AAR2: variants seen among roughly 807,000 people sequenced by gnomAD.
AAR2 encodes the protein protein AAR2 homolog.
In AAR2, 31 loss-of-function variants were observed where a neutral mutation model predicts 26.9. The observed-to-expected ratio is 1.15, with a 90% CI of 0.86 to 1.55. AAR2 has a LOEUF of 1.55. Among genes scored for constraint, AAR2 ranks in the 40% most tolerant of loss-of-function variants. The pLI is 0.00. For synonymous variants in AAR2, 188 were observed against 196.1 expected (o/e 0.96, Z 0.34); for missense variants, 430 against 491.3 (o/e 0.88, Z 1.18).
In AAR2 at chr20:36,256,274, G is replaced by C. The variant is rs1284506020; in HGVS notation, c.*529G>C. On this transcript the variant is annotated 3_prime_UTR_variant, in exon 4 of 4. Coordinates refer to ENST00000320849, the MANE Select transcript of AAR2 (RefSeq NM_001271874.2). ...GAGGACTTGGCCTGCAGCTCCTTGG[G>C]AGCCCTTGATTGGGAAGAGAGTTTC... The C allele has an allele frequency of 1.3e-5, 2 of 152,564 alleles. No individual in the cohort carries two copies. The highest frequency in any genetic ancestry group is 1.3e-4 in the Admixed American group (2 of 15,324). 9.5% of individuals were successfully genotyped at this position (152,564 alleles called of 1,614,324 possible). A position where few individuals can be genotyped will look rare whatever the true frequency, so the allele number is the denominator to read the frequency against.
intron 1 of AAR2, among the ~76,000 whole-genome samples, chr20:36,239,059 A>C (rs1244473445): frequency 2.0e-5 from 3 of 152,132 alleles, no homozygotes; most frequent in African/African-American, 7.2e-5. Flanking sequence ...AAGTAGGTAA[A>C]ATAAGTGTAC....
chr20:36,253,397 C>A (rs950220026), intron 3 of AAR2, among the ~76,000 whole-genome samples: 1 of 152,180 alleles, frequency 6.6e-6, no homozygotes, highest in Non-Finnish European at 1.5e-5. Context: ...CTGGGAAAAA[C>A]CACTTCTTCC....
Position 36,239,905 on chromosome 20 carries a change from C to T in AAR2, c.37C>T (p.Arg13Cys), listed in dbSNP as rs766202428. 1.4e-5 allele frequency: 23 copies of T among 1,606,148 alleles called. No individual in the cohort carries two copies. The Middle Eastern group carries it at 6.6e-4, about 46-fold the overall frequency. The stretch of plus-strand genomic sequence containing the variant: ...GCAGATGGATCCTGAGCTAGCCAAG[C>T]GCCTCTTCTTTGAAGGGGCCACTGT... ...AVQMDPELAK[R>C]LFFEGATVVI... Residue 13 changes from arginine (R) to cysteine (C), a missense_variant, in exon 2 of 4, where the codon CGC becomes TGC. Arg to Cys is a radical substitution (Grantham distance 180). Coordinates refer to ENST00000320849, the MANE Select transcript of AAR2 (RefSeq NM_001271874.2).
chr20:36,243,428 G>T (rs2064703223), intron 2 of AAR2, among the ~76,000 whole-genome samples: 1 of 152,216 alleles, frequency 6.6e-6, no homozygotes, highest in East Asian at 1.9e-4. Context: ...TAGGAACAGG[G>T]AGCTAGTTTT....
chr20:36,255,064 T>C (rs1569431471), intron 3 of AAR2, among the ~76,000 whole-genome samples: 1 of 152,164 alleles, frequency 6.6e-6, no homozygotes, highest in East Asian at 1.9e-4. Flanking sequence ...TAAGTCAGGG[T>C]CCATCTGTAT....
intron 1 of AAR2, among the ~76,000 whole-genome samples, chr20:36,238,754 T>C (rs1453239018): frequency 7.6e-6 from 1 of 132,308 alleles, no homozygotes; most frequent in African/African-American, 2.8e-5. Context: ...AGACCCTGTC[T>C]CAAAAAAAAA....
chr20:36,238,032 C>T (rs1285017303), intron 1 of AAR2, among the ~76,000 whole-genome samples: 1 of 152,030 alleles, frequency 6.6e-6, no homozygotes, highest in African/African-American at 2.4e-5. Context: ...TATCCATCCG[C>T]CTCGGCCTCC....
At position 36,240,684 on chromosome 20, in the gene AAR2, T is replaced by A. The variant is rs1385773606; in HGVS notation, c.757+59T>A. On this transcript the variant is annotated intron_variant, in intron 2 of 3. Transcript: ENST00000320849. ...AAGGGGAGGATATTAGCAGAGGTGT[T>A]TTGGAATAGGGAGTACATCTTGTGT... 3 of 1,554,168 alleles carry A rather than the reference T, an allele frequency of 1.9e-6. No homozygotes were observed. The African/African-American group carries it at 4.1e-5, about 21-fold the overall frequency.
In AAR2 at chr20:36,255,817, T is replaced by C; in HGVS notation, c.*72T>C. On this transcript the variant is annotated 3_prime_UTR_variant, in exon 4 of 4. Transcript: ENST00000320849. ...CAGTCCTGGCCTCTCCATTTACTTC[T>C]TCCCATCCTGGGACCTGCCAGGGCA... 1 of 1,563,556 alleles carries C rather than the reference T, an allele frequency of 6.4e-7. No homozygotes were observed. Among genetic ancestry groups the C allele is most frequent in the Non-Finnish European group, 8.7e-7 (1 of 1,151,476 alleles).
intron 1 of AAR2, chr20:36,236,927 A>G (rs943742447): frequency 1.3e-5 from 2 of 152,272 alleles, no homozygotes; most frequent in Admixed American, 6.5e-5. Flanking sequence ...GCCTTCAATC[A>G]AACATCCAAA....
chr20:36,246,999 G>T (rs1266264210), intron 3 of AAR2, among the ~76,000 whole-genome samples: 3 of 152,198 alleles, frequency 2.0e-5, no homozygotes, highest in African/African-American at 7.2e-5. Flanking sequence ...CATTGATTTA[G>T]CAGGTAATTG....
At chr20:36,246,004 A>G (rs1007809529) in intron 3 of AAR2, among the ~76,000 whole-genome samples, 2 of 152,202 alleles carry the variant, frequency 1.3e-5, no homozygotes, top group South Asian at 4.1e-4. Flanking sequence ...CAGCCTGGGC[A>G]ACAGAGTGAG....
At chr20:36,250,351 G>A (rs1256386684) in intron 3 of AAR2, among the ~76,000 whole-genome samples, 4 of 152,206 alleles carry the variant, frequency 2.6e-5, no homozygotes, top group African/African-American at 9.7e-5. Flanking sequence ...TAAATATTCA[G>A]TATTGATATG....
intron 3 of AAR2, among the ~76,000 whole-genome samples, chr20:36,252,349 G>A (rs1421065828): frequency 6.6e-6 from 1 of 152,136 alleles, no homozygotes; most frequent in Admixed American, 6.5e-5. Flanking sequence ...TTGTGTGTCG[G>A]GCGCTGTGCC....
intron 2 of AAR2, 101 bp downstream of exon 2, chr20:36,240,726 A>T: frequency 7.0e-7 from 1 of 1,432,384 alleles, no homozygotes. Context: ...AGCAGCAACT[A>T]AACCTGGCTA....
intron 1 of AAR2, among the ~76,000 whole-genome samples, chr20:36,238,905 C>G (rs2064647284): frequency 6.6e-6 from 1 of 152,096 alleles, no homozygotes; most frequent in Non-Finnish European, 1.5e-5. Flanking sequence ...AAGATCCTGG[C>G]ACAATGCAGG....
chr20:36,255,814 T>C lies in AAR2; in HGVS notation c.*69T>C. On this transcript the variant is annotated 3_prime_UTR_variant, in exon 4 of 4. Coordinates refer to ENST00000320849, the MANE Select transcript of AAR2 (RefSeq NM_001271874.2). ...CTGCAGTCCTGGCCTCTCCATTTACTTCTTCCCATCCTGGGACCTGCCAGG... is the reference window on the plus strand; with the variant it reads ...CTGCAGTCCTGGCCTCTCCATTTACCTCTTCCCATCCTGGGACCTGCCAGG... 3 of 1,570,596 alleles carry C rather than the reference T, an allele frequency of 1.9e-6. No homozygotes were observed. The South Asian group carries it at 3.5e-5, about 18-fold the overall frequency.
Position 36,250,301 on chromosome 20 carries a change from A to G in AAR2, c.988-5277A>G, listed in dbSNP as rs1303724580. ...TGTGCTTTTTGTTTTAGATAAATGC[A>G]TTTGTTTGCAAAATATTATCCTATT... On this transcript the variant is annotated intron_variant, in intron 3 of 3. Transcript: ENST00000320849. Among the ~76,000 whole-genome samples, 4 of 152,238 alleles carry G rather than the reference A, an allele frequency of 2.6e-5. No individual in the cohort carries two copies. The East Asian group carries it at 5.8e-4, about 22-fold the overall frequency.
intron 3 of AAR2, among the ~76,000 whole-genome samples, chr20:36,253,977 C>A (rs375078061): frequency 6.6e-6 from 1 of 152,116 alleles, no homozygotes; most frequent in South Asian, 2.1e-4. Context: ...AAATGAGAAC[C>A]TTTGTGCATT....
Sources: allele counts gnomAD v4.1 joint callset (sites outside exome capture counted in the v4.1 genomes callset), GRCh38; gene constraint gnomAD v4.1.1; transcripts MANE v1.5; gene names NCBI Gene and HGNC (gene_info 2026-07-23, HGNC 2026-07-21).